Variants in LARP1B observed in about 807,000 individuals in gnomAD.
The protein encoded by LARP1B is La ribonucleoprotein 1B.
In LARP1B, 76 loss-of-function variants were observed where a neutral mutation model predicts 114.2. The observed-to-expected ratio is 0.67, with a 90% confidence interval of 0.55 to 0.81. The LOEUF (loss-of-function observed/expected upper bound fraction) is 0.81. Among genes scored for constraint, LARP1B ranks in the 30% least tolerant of loss-of-function variants. The pLI, the probability that LARP1B is intolerant of heterozygous loss-of-function variation, is 0.00. For missense variants in LARP1B, 1,014 were observed against 1,075.8 expected (o/e 0.94, Z 0.80); for synonymous variants, 345 against 348.0 (o/e 0.99, Z 0.10).
intron 3 of LARP1B, among the ~76,000 whole-genome samples, chr4:128,075,756 A>G (rs1161673257): frequency 4.6e-5 from 7 of 151,618 alleles, no homozygotes. Context: ...CATGTTGCCC[A>G]GGCTGGTATC....
chr4:128,178,043 T>G (rs1746995264), intron 13 of LARP1B, among the ~76,000 whole-genome samples: 1 of 148,618 alleles, frequency 6.7e-6, no homozygotes, highest in African/African-American at 2.4e-5. Flanking sequence ...GTGATATATA[T>G]ATATATATAT....
At chr4:128,193,473 A>G (rs1362726842) in intron 15 of LARP1B, among the ~76,000 whole-genome samples, 2 of 152,106 alleles carry the variant, frequency 1.3e-5, no homozygotes, top group East Asian at 3.8e-4. Flanking sequence ...TTTTTGACTC[A>G]TCATAAATTT....
intron 7 of LARP1B, chr4:128,092,739 G>A (rs1776339893): frequency 2.0e-6 from 2 of 985,282 alleles, no homozygotes; most frequent in South Asian, 9.4e-5. Flanking sequence ...ACAGTGTGGA[G>A]CAACTTGTTT....
At chr4:128,076,977 T>C (rs906048023) in intron 3 of LARP1B, among the ~76,000 whole-genome samples, 1 of 152,158 alleles carries the variant, frequency 6.6e-6, no homozygotes, top group African/African-American at 2.4e-5. Context: ...TCTACCTGCC[T>C]TGGCTTCCCA....
chr4:128,141,065 C>T (rs552556031), intron 11 of LARP1B, among the ~76,000 whole-genome samples: 204 of 152,182 alleles, frequency 1.3e-3, no homozygotes, highest in African/African-American at 4.7e-3. Context: ...CCACCTGCCT[C>T]GGCCTCCCAA....
downstream of LARP1B, among the ~76,000 whole-genome samples, chr4:128,216,788 T>G (rs1759518680): frequency 6.6e-6 from 1 of 151,786 alleles, no homozygotes; most frequent in Non-Finnish European, 1.5e-5. Flanking sequence ...AAGAAATAAC[T>G]AAGATCAGAG....
intron 4 of LARP1B, among the ~76,000 whole-genome samples, chr4:128,081,541 G>A (rs1770434884): frequency 1.3e-5 from 2 of 152,080 alleles, no homozygotes; most frequent in Admixed American, 1.3e-4. Flanking sequence ...GATGTAAGGA[G>A]TTCAGTTGTG....
chr4:128,083,744 C>T (rs1421725399), intron 5 of LARP1B, among the ~76,000 whole-genome samples: 19 of 144,928 alleles, frequency 1.3e-4, no homozygotes, highest in African/African-American at 4.7e-4. Context: ...CCAGTAGGGG[C>T]GGCTGGGCAG....
rs533789991 is a variant in LARP1B, at chr4:128,089,458, C to T, written c.359-1543C>T. Among the ~76,000 whole-genome samples the T allele has an allele frequency of 9.2e-4, 140 of 151,374 alleles. 1 individual carries two copies. Among genetic ancestry groups the T allele is most frequent in the African/African-American group, 3.3e-3 (136 of 41,238 alleles). On this transcript the variant is annotated intron_variant, in intron 5 of 19. Coordinates refer to ENST00000326639, the MANE Select transcript of LARP1B (RefSeq NM_018078.4). ...TCAGGTGATTCTCCTGCCCTAGCCTCCCGAGTAGCTGGGATTACCGGCGCC... is the reference window on the plus strand; with the variant it reads ...TCAGGTGATTCTCCTGCCCTAGCCTTCCGAGTAGCTGGGATTACCGGCGCC...
At chr4:128,190,079 G>A (rs1032332362) in intron 15 of LARP1B, among the ~76,000 whole-genome samples, 1 of 152,140 alleles carries the variant, frequency 6.6e-6, no homozygotes, top group Non-Finnish European at 1.5e-5. Context: ...TCAAATTAAA[G>A]AACTCCCTTT....
chr4:128,207,250 T>G lies in LARP1B; in HGVS notation c.2420-6T>G, dbSNP rs775648045. 2 of 1,325,842 alleles carry G rather than the reference T, an allele frequency of 1.5e-6. No individual in the cohort carries two copies. The highest frequency in any genetic ancestry group is 2.6e-5 in the Admixed American group (1 of 38,718). The allele number at this position is 1,325,842 out of a possible 1,614,324, so 82.1% of individuals were successfully genotyped here. A position where few individuals can be genotyped will look rare whatever the true frequency, so the allele number is the denominator to read the frequency against. ...ATTCATAATGTATATTATTCTTTGT[T>G]ATTAGGTCAGCTGTATGGACTAGAA... is the stretch of plus-strand genomic sequence containing the variant. On this transcript the variant is annotated splice_region_variant and splice_polypyrimidine_tract_variant and intron_variant, in intron 18 of 19. Coordinates refer to ENST00000326639, the MANE Select transcript of LARP1B (RefSeq NM_018078.4).
intron 8 of LARP1B, among the ~76,000 whole-genome samples, chr4:128,103,181 G>A (rs533676189): frequency 1.3e-5 from 2 of 152,210 alleles, no homozygotes; most frequent in African/African-American, 2.4e-5. Context: ...TTTATAACTC[G>A]ATGTTTCTTC....
rs1425502411 is a variant in LARP1B, at chr4:128,065,249, ATTAATTTCTTTCTTTCTTTCTTTCTTTC to A, written c.-78+3851_-78+3878del. ...ACTGACTCTGCACTGTTCTCCCACAATTAATTTCTTTCTTTCTTTCTTTCTTTCTTTCTTTCTTTCTTTCTTTCTTTCT... is the reference window on the plus strand; with the variant it reads ...ACTGACTCTGCACTGTTCTCCCACAATTTCTTTCTTTCTTTCTTTCTTTCT... On this transcript the variant is annotated intron_variant, in intron 1 of 19. Transcript: ENST00000326639. 4.8e-4 allele frequency among the ~76,000 whole-genome samples: 46 copies of A among 96,152 alleles called. 1 individual carries two copies. Among genetic ancestry groups the A allele is most frequent in the Non-Finnish European group, 7.6e-4 (34 of 44,600 alleles). 63.1% of individuals were successfully genotyped at this position (96,152 alleles called of 152,430 possible). A position where few individuals can be genotyped will look rare whatever the true frequency, so the allele number is the denominator to read the frequency against.
Position 128,074,477 on chromosome 4 carries a change from AT to A in LARP1B, c.-58del. The A allele has an allele frequency of 1.1e-6, 1 of 903,278 alleles. No individual in the cohort carries two copies. The highest frequency in any genetic ancestry group is 1.3e-6 in the Non-Finnish European group (1 of 754,676). The allele number at this position is 903,278 out of a possible 1,614,324, so 56.0% of individuals were successfully genotyped here. ...TTCTTTAGAATTCGGTTCCCTCAAA[AT>A]TATAAAGGCAGGAAAGCTCAAGACA... On this transcript the variant is annotated 5_prime_UTR_variant, in exon 2 of 20. Transcript: ENST00000326639.
At chr4:128,101,532 C>CTA (rs1296857922) in intron 8 of LARP1B, among the ~76,000 whole-genome samples, 2 of 143,982 alleles carry the variant, frequency 1.4e-5, no homozygotes, top group African/African-American at 2.6e-5. Context: ...TATAAGGTTT[C>CTA]TATATATTGT....
At chr4:128,077,266 G>A (rs1274887697) in intron 3 of LARP1B, among the ~76,000 whole-genome samples, 1 of 152,020 alleles carries the variant, frequency 6.6e-6, no homozygotes, top group Non-Finnish European at 1.5e-5. Flanking sequence ...GGGAGGCTGA[G>A]GACGGTGAAT....
At chr4:128,116,955 A>C (rs1390010766) in intron 10 of LARP1B, among the ~76,000 whole-genome samples, 2 of 137,114 alleles carry the variant, frequency 1.5e-5, no homozygotes, top group South Asian at 2.3e-4. Flanking sequence ...TGTGTCGCCC[A>C]GGCTAGAGTG....
intron 13 of LARP1B, among the ~76,000 whole-genome samples, chr4:128,177,619 G>GTGA (rs2150644574): frequency 6.6e-6 from 1 of 152,260 alleles, no homozygotes; most frequent in Non-Finnish European, 1.5e-5. Context: ...GCAACAACTA[G>GTGA]ATCATTTAAA....
At chr4:128,155,823 A>T in intron 11 of LARP1B, 1 of 1,583,004 alleles carries the variant, frequency 6.3e-7, no homozygotes. Context: ...ATGAGAAATC[A>T]GGGCTGCAGC....
Sources: allele counts gnomAD v4.1 joint callset (sites outside exome capture counted in the v4.1 genomes callset), GRCh38; gene constraint gnomAD v4.1.1; transcripts MANE v1.5; gene names NCBI Gene and HGNC (gene_info 2026-07-23, HGNC 2026-07-21).